The following THSD7A variants were observed in gnomAD, a reference collection of about 807,000 sequenced individuals.
THSD7A encodes thrombospondin type-1 domain-containing protein 7A.
A neutral mutation model predicts 231.3 loss-of-function variants in THSD7A; 96 were observed. The ratio of observed to expected loss-of-function variants is 0.41; its 90% confidence interval spans 0.35 to 0.49. The LOEUF is 0.49. THSD7A is among the 20% of genes least tolerant of loss of function. THSD7A has a pLI of 0.05. For missense variants in THSD7A, 2,290 were observed against 2,070.2 expected (o/e 1.11, Z -2.06); for synonymous variants, 940 against 743.3 (o/e 1.26, Z -4.30).
At chr7:11,735,879 A>G (rs1781898097) in intron 1 of THSD7A, among the ~76,000 whole-genome samples, 1 of 151,992 alleles carries the variant, frequency 6.6e-6, no homozygotes, top group South Asian at 2.1e-4. Context: ...ACATGAAAAT[A>G]TTCTTCATTA....
intron 2 of THSD7A, among the ~76,000 whole-genome samples, chr7:11,631,119 C>A (rs1781636587): frequency 6.6e-6 from 1 of 152,198 alleles, no homozygotes; most frequent in Non-Finnish European, 1.5e-5. Flanking sequence ...GCCCTTCCCC[C>A]CACCAGATTG....
At chr7:11,793,803 C>T (rs1784038329) in intron 1 of THSD7A, among the ~76,000 whole-genome samples, 1 of 151,806 alleles carries the variant, frequency 6.6e-6, no homozygotes, top group Admixed American at 6.6e-5. Context: ...TTAATGTTGG[C>T]ATGTTGCTTT....
rs2074600 is a variant in THSD7A at position 11,636,035 on chromosome 7, C to T, written c.1022+95G>A. 0.026 allele frequency: 31,769 copies of T among 1,209,382 alleles called. 2,945 individuals are homozygous for T. Among genetic ancestry groups the T allele is most frequent in the East Asian group, 0.22 (9,423 of 42,146 alleles). 74.9% of individuals were successfully genotyped at this position (1,209,382 alleles called of 1,614,324 possible). A position where few individuals can be genotyped will look rare whatever the true frequency, so the allele number is the denominator to read the frequency against. ...TAGCTCATCCTAGGTTGTGCCCCTACGTAATCCAGAAGTTATTAGATAGTA... is the reference window on the plus strand; with the variant it reads ...TAGCTCATCCTAGGTTGTGCCCCTATGTAATCCAGAAGTTATTAGATAGTA... On this transcript the variant is annotated intron_variant, in intron 2 of 27. Transcript: ENST00000423059. This position sits in a 1 kb window ranked among gnomAD's most constrained non-coding sequence, Gnocchi z 10.0.
chr7:11,622,738 C>T (rs1177851306), intron 2 of THSD7A, among the ~76,000 whole-genome samples: 3 of 152,118 alleles, frequency 2.0e-5, no homozygotes, highest in East Asian at 1.9e-4. Flanking sequence ...AATTGTCCCA[C>T]TCAATATTAA....
chr7:11,494,119 T>G (rs969439828), intron 6 of THSD7A, among the ~76,000 whole-genome samples: 1 of 151,964 alleles, frequency 6.6e-6, no homozygotes, highest in Non-Finnish European at 1.5e-5. Flanking sequence ...GCTACAGATA[T>G]TATATACAAT....
intron 4 of THSD7A, among the ~76,000 whole-genome samples, chr7:11,569,239 G>A (rs1004973513): frequency 6.6e-6 from 1 of 152,114 alleles, no homozygotes; most frequent in Admixed American, 6.5e-5. Flanking sequence ...ACAGAGTGAA[G>A]AGACAACCTC....
intron 1 of THSD7A, among the ~76,000 whole-genome samples, chr7:11,809,927 T>A (rs1197215474): frequency 1.3e-5 from 2 of 152,118 alleles, no homozygotes; most frequent in South Asian, 2.1e-4. Flanking sequence ...AAGGTAGTGG[T>A]TCTAGAACAA....
chr7:11,569,149 C>T (rs1348356013), intron 4 of THSD7A, among the ~76,000 whole-genome samples: 4 of 152,054 alleles, frequency 2.6e-5, no homozygotes, highest in Non-Finnish European at 4.4e-5. Context: ...ATGGTTAAGA[C>T]TTCAAAAGCA....
intron 1 of THSD7A, among the ~76,000 whole-genome samples, chr7:11,822,575 T>C (rs770948058): frequency 1.3e-4 from 20 of 152,098 alleles, no homozygotes; most frequent in Non-Finnish European, 2.2e-4. Context: ...AGCAGTTGGA[T>C]TGATGGATTG....
intron 1 of THSD7A, among the ~76,000 whole-genome samples, chr7:11,659,282 T>C (rs917603564): frequency 1.1e-4 from 17 of 151,618 alleles, no homozygotes; most frequent in African/African-American, 4.1e-4. Flanking sequence ...CCACTTCTCA[T>C]CTGTTCTCTG....
chr7:11,586,608 CT>C (rs1175050169), intron 4 of THSD7A, among the ~76,000 whole-genome samples: 2 of 152,128 alleles, frequency 1.3e-5, no homozygotes, highest in Non-Finnish European at 2.9e-5. Flanking sequence ...AATGCATAGC[CT>C]TTCTTTTCTT....
chr7:11,493,121 T>TA (rs1786966838), intron 6 of THSD7A, among the ~76,000 whole-genome samples: 2 of 152,132 alleles, frequency 1.3e-5, no homozygotes, highest in South Asian at 4.1e-4. Flanking sequence ...GAATTTGTAA[T>TA]AAAACGTATA....
intron 1 of THSD7A, among the ~76,000 whole-genome samples, chr7:11,712,095 G>A (rs1007488331): frequency 6.6e-6 from 1 of 150,906 alleles, no homozygotes. Context: ...AATATGAATA[G>A]GAAAAAACTA....
At chr7:11,548,177 A>C (rs1353164316) in intron 4 of THSD7A, among the ~76,000 whole-genome samples, 1 of 152,172 alleles carries the variant, frequency 6.6e-6, no homozygotes. Context: ...CAAAGGTGAC[A>C]TAACCAGTGA....
chr7:11,743,553 A>G (rs1263347265), intron 1 of THSD7A, among the ~76,000 whole-genome samples: 5 of 151,848 alleles, frequency 3.3e-5, no homozygotes. Context: ...CTTCATTTTA[A>G]TATATCCTTC....
intron 23 of THSD7A, among the ~76,000 whole-genome samples, chr7:11,400,139 C>T (rs893216979): frequency 7.4e-6 from 1 of 135,918 alleles, no homozygotes; most frequent in Non-Finnish European, 1.5e-5. Context: ...GGAAGGGGAA[C>T]ATCACACACT....
At chr7:11,567,785 C>G (rs1200823438) in intron 4 of THSD7A, among the ~76,000 whole-genome samples, 2 of 152,114 alleles carry the variant, frequency 1.3e-5, no homozygotes, top group Non-Finnish European at 2.9e-5. Context: ...CAAGTCAGAC[C>G]AGTTTTGCAT....
chr7:11,803,381 C>A lies in THSD7A; in HGVS notation c.190+28376G>T, dbSNP rs1483771294. 2.0e-5 allele frequency among the ~76,000 whole-genome samples: 3 copies of A among 152,098 alleles called. No individual in the cohort carries two copies. The South Asian group carries it at 6.2e-4, about 32-fold the overall frequency. ...CCCAAAAGTGGAAATCCCATAAGTTCTGCTTCAAAATTTATGCTTATTTTC... is the reference window on the plus strand; with the variant it reads ...CCCAAAAGTGGAAATCCCATAAGTTATGCTTCAAAATTTATGCTTATTTTC... On this transcript the variant is annotated intron_variant, in intron 1 of 27. Coordinates refer to ENST00000423059, the MANE Select transcript of THSD7A (RefSeq NM_015204.3).
chr7:11,533,621 T>G (rs1479803912), intron 6 of THSD7A, among the ~76,000 whole-genome samples: 1 of 152,158 alleles, frequency 6.6e-6, no homozygotes, highest in Non-Finnish European at 1.5e-5. Context: ...GCTATCATCC[T>G]TGGCAAATAA....
Sources: gnomAD v4.1 joint callset for allele counts (sites outside exome capture counted in the v4.1 genomes callset) on GRCh38, gnomAD v4.1.1 for gene constraint, Gnocchi (gnomAD v3.1) non-coding constraint, MANE v1.5 for transcripts, NCBI Gene and HGNC (gene_info 2026-07-23, HGNC 2026-07-21) for gene names.